Variants in VPS13A observed in about 807,000 individuals in gnomAD.
The protein encoded by VPS13A is intermembrane lipid transfer protein VPS13A.
In VPS13A, 264 loss-of-function variants were observed where a neutral mutation model predicts 390.9. That is an observed-to-expected ratio of 0.68 (90% CI 0.61 to 0.75). The LOEUF (loss-of-function observed/expected upper bound fraction) is 0.75, where lower values mean the gene tolerates loss of function less well. Ranked by LOEUF, VPS13A falls within the 30% of genes least tolerant of loss-of-function variation. VPS13A has a pLI of 0.00. For synonymous variants in VPS13A, 1,231 were observed against 1,227.1 expected, an observed-to-expected ratio of 1.00 and a Z score of -0.07; for missense variants, 3,409 against 3,733.9, an observed-to-expected ratio of 0.91 and a Z score of 2.27.
intron 33 of VPS13A, among the ~76,000 whole-genome samples, chr9:77,302,197 A>T (rs1828410995): frequency 6.6e-6 from 1 of 151,998 alleles, no homozygotes; most frequent in African/African-American, 2.4e-5. Flanking sequence ...ACCTCAGGTG[A>T]TCCACCCGCT....
At chr9:77,380,660 G>A (rs967837117) in intron 67 of VPS13A, among the ~76,000 whole-genome samples, 1 of 152,190 alleles carries the variant, frequency 6.6e-6, no homozygotes, top group Non-Finnish European at 1.5e-5. Context: ...GCCCATGCAT[G>A]TGTATACATT....
intron 42 of VPS13A, 80 bp downstream of exon 42, chr9:77,319,753 G>A: frequency 1.3e-6 from 1 of 781,092 alleles, no homozygotes; most frequent in South Asian, 2.1e-5. Flanking sequence ...ACAGATTTAG[G>A]TTCACAGCAA....
At position 77,277,376 on chromosome 9, in the gene VPS13A, A is replaced by G. The variant is rs988176235; in HGVS notation, c.2824+1155A>G. Among the ~76,000 whole-genome samples, 15 of 152,300 alleles carry G rather than the reference A, an allele frequency of 9.8e-5. No individual in the cohort carries two copies. In the South Asian group the frequency reaches 1.0e-3, roughly 11 times the overall value. ...ACCTGCATAGCCTTTTTCATTATCA[A>G]CATCCTCCACTAGAGTGGTACATTT... On this transcript the variant is annotated intron_variant, in intron 26 of 71. Transcript: ENST00000360280.
chr9:77,240,590 G>C (rs1404632612), intron 19 of VPS13A, among the ~76,000 whole-genome samples: 1 of 142,508 alleles, frequency 7.0e-6, no homozygotes, highest in Non-Finnish European at 1.5e-5. Context: ...CAATTTTTTT[G>C]CCTCAGCCTT....
chr9:77,253,782 A>T (rs1347625569), intron 22 of VPS13A, among the ~76,000 whole-genome samples: 1 of 151,940 alleles, frequency 6.6e-6, no homozygotes, highest in Non-Finnish European at 1.5e-5. Context: ...TTTTGGTGTC[A>T]TATCCAAGAA....
chr9:77,366,448 T>C (rs1450398856), intron 60 of VPS13A, among the ~76,000 whole-genome samples: 2 of 152,066 alleles, frequency 1.3e-5, no homozygotes, highest in African/African-American at 4.8e-5. Flanking sequence ...TTTAATGTTA[T>C]TAACAAATAT....
rs200321658 is a variant in VPS13A at position 77,370,446 on chromosome 9, C to T, written c.8775C>T (p.Thr2925=). ...GGLAGAASKI[T]GAMAKGVAAM... is the part of the protein sequence containing the mutation. ...TGGCTGGTGCTGCCTCCAAAATCAC[C>T]GGTGCTATGGCTAAGGGGGTAGCAG... The change falls in exon 65 of 72, where the codon ACC becomes ACT. Residue 2925 remains threonine (T), a synonymous_variant. Coordinates refer to ENST00000360280, the MANE Select transcript of VPS13A (RefSeq NM_033305.3). The T allele has an allele frequency of 4.7e-5, 76 of 1,614,116 alleles. No individual in the cohort carries two copies. The highest frequency in any genetic ancestry group is 1.3e-4 in the African/African-American group (10 of 75,040).
At chr9:77,250,065 G>C in intron 20 of VPS13A, 32 bp from the exon 21 acceptor site, 1 of 1,610,404 alleles carries the variant, frequency 6.2e-7, no homozygotes, top group Non-Finnish European at 8.5e-7. Flanking sequence ...GAAGTATTTT[G>C]CATAGTCTAA....
intron 68 of VPS13A, among the ~76,000 whole-genome samples, chr9:77,396,896 G>A (rs1834139912): frequency 6.6e-6 from 1 of 152,052 alleles, no homozygotes; most frequent in Admixed American, 6.5e-5. Flanking sequence ...CTCATCTCCG[G>A]AACCCTCAAA....
rs182789964 is a variant in VPS13A, at chr9:77,212,237, C to T, written c.556-732C>T. Among the ~76,000 whole-genome samples, 219 of 152,096 alleles carry T rather than the reference C, an allele frequency of 1.4e-3. 1 individual carries two copies. Among genetic ancestry groups the T allele is most frequent in the African/African-American group, 5.1e-3 (211 of 41,498 alleles). ...AACAACTTATAAACCCTTTTTAAAC[C>T]GACCCCAGGCAATATACCTGGTTTT... On this transcript the variant is annotated intron_variant, in intron 7 of 71. Transcript: ENST00000360280.
At chr9:77,372,478 C>T (rs1191374266) in intron 67 of VPS13A, among the ~76,000 whole-genome samples, 6 of 151,990 alleles carry the variant, frequency 3.9e-5, no homozygotes, top group African/African-American at 7.3e-5. Flanking sequence ...ATTGATGGGA[C>T]GTATTTCAAA....
At chr9:77,413,063 G>A (rs1456530337) in intron 71 of VPS13A, among the ~76,000 whole-genome samples, 1 of 152,166 alleles carries the variant, frequency 6.6e-6, no homozygotes, top group Non-Finnish European at 1.5e-5. Flanking sequence ...TCTTCAAGGA[G>A]AACTACAAAC....
chr9:77,197,498 A>G (rs962117484), intron 1 of VPS13A, among the ~76,000 whole-genome samples: 2 of 152,096 alleles, frequency 1.3e-5, no homozygotes, highest in African/African-American at 4.8e-5. Context: ...TGTCGGTTTT[A>G]TCATTATATA....
intron 37 of VPS13A, 148 bp from the exon 38 acceptor site, chr9:77,315,105 G>T: frequency 1.5e-6 from 1 of 683,344 alleles, no homozygotes; most frequent in Non-Finnish European, 2.5e-6. Context: ...TTGTTATTTG[G>T]AACACTTTAT....
At position 77,381,871 on chromosome 9, in the gene VPS13A, A is replaced by G. The variant is rs1302248347; in HGVS notation, c.9078-105A>G. ...CAATTTAAAATTAGAGAATGTTGTA[A>G]TATTTTTAATCTGAAATAAGATTGT... is the stretch of plus-strand genomic sequence containing the variant. On this transcript the variant is annotated intron_variant, in intron 67 of 71. Coordinates refer to ENST00000360280, the MANE Select transcript of VPS13A (RefSeq NM_033305.3). The G allele has an allele frequency of 1.3e-5, 10 of 745,416 alleles. No homozygotes were observed. The East Asian group carries it at 1.4e-4, about 10-fold the overall frequency. The allele number at this position is 745,416 out of a possible 1,614,324, so 46.2% of individuals were successfully genotyped here.
intron 68 of VPS13A, among the ~76,000 whole-genome samples, chr9:77,383,799 TA>T (rs1308463397): frequency 6.6e-6 from 1 of 151,962 alleles, no homozygotes; most frequent in African/African-American, 2.4e-5. Context: ...TTTAAATGAC[TA>T]AAAACCACAG....
At chr9:77,236,916 G>A (rs1564653454) in intron 17 of VPS13A, among the ~76,000 whole-genome samples, 1 of 152,080 alleles carries the variant, frequency 6.6e-6, no homozygotes, top group Admixed American at 6.6e-5. Context: ...TGTTTGTTTT[G>A]AGATGGAATG....
At chr9:77,229,416 A>G (rs1441324783) in intron 17 of VPS13A, among the ~76,000 whole-genome samples, 1 of 152,182 alleles carries the variant, frequency 6.6e-6, no homozygotes, top group Non-Finnish European at 1.5e-5. Context: ...CCCTGTAATC[A>G]TTAGCAGTCA....
chr9:77,415,603 A>G (rs1012711006), intron 71 of VPS13A, among the ~76,000 whole-genome samples: 8 of 152,264 alleles, frequency 5.3e-5, no homozygotes, highest in Non-Finnish European at 7.4e-5. Flanking sequence ...AAGTATTTCT[A>G]CTCCATTAGT....
Sources: gnomAD v4.1 joint callset for allele counts (sites outside exome capture counted in the v4.1 genomes callset) on GRCh38, gnomAD v4.1.1 for gene constraint, MANE v1.5 for transcripts, NCBI Gene and HGNC (gene_info 2026-07-23, HGNC 2026-07-21) for gene names.